The following ERLEC1 variants were observed in gnomAD, a reference collection of about 807,000 sequenced individuals.
The protein encoded by ERLEC1 is endoplasmic reticulum lectin 1, also known as ER lectin.
ERLEC1 carries 47 observed loss-of-function variants against 68.0 expected under a neutral mutation model. That is an observed-to-expected ratio of 0.69 (90% confidence interval 0.55 to 0.88). The LOEUF (loss-of-function observed/expected upper bound fraction) is 0.88, where lower values mean the gene tolerates loss of function less well. ERLEC1 is among the 40% of genes least tolerant of loss of function. The pLI is 0.00. For missense variants in ERLEC1, 567 were observed against 583.8 expected (o/e 0.97, Z 0.30); for synonymous variants, 225 against 203.2 (o/e 1.11, Z -0.91).
chr2:53,814,481 A>T, intron 11 of ERLEC1, 62 bp from the exon 12 acceptor site: 1 of 1,203,732 alleles, frequency 8.3e-7, no homozygotes, highest in Non-Finnish European at 1.2e-6. Context: ...CACCCTACCC[A>T]TTACAATTAT....
At chr2:53,808,252 A>G (rs756982298) in intron 8 of ERLEC1, 47 bp from the exon 9 acceptor site, 1 of 1,566,008 alleles carries the variant, frequency 6.4e-7, no homozygotes, top group Admixed American at 2.1e-5. Flanking sequence ...TGAAAAAAGA[A>G]ATTAAGTTTG....
intron 1 of ERLEC1, among the ~76,000 whole-genome samples, chr2:53,789,202 T>C (rs950717364): frequency 6.6e-6 from 1 of 151,968 alleles, no homozygotes; most frequent in Non-Finnish European, 1.5e-5. Context: ...AAGACAAGCC[T>C]GACCAACGTG....
At chr2:53,799,631 C>G (rs1675902510) in intron 6 of ERLEC1, among the ~76,000 whole-genome samples, 1 of 152,096 alleles carries the variant, frequency 6.6e-6, no homozygotes. Flanking sequence ...GAAATCTAAT[C>G]ACAATTTTTA....
Position 53,818,709 on chromosome 2 carries a change from T to C in ERLEC1, c.*740T>C, listed in dbSNP as rs1677028117. The C allele has an allele frequency of 6.6e-6, 1 of 152,268 alleles. No homozygotes were observed. Among genetic ancestry groups the C allele is most frequent in the Non-Finnish European group, 1.5e-5 (1 of 68,050 alleles). The allele number at this position is 152,268 out of a possible 1,614,324, so 9.4% of individuals were successfully genotyped here. On this transcript the variant is annotated 3_prime_UTR_variant, in exon 14 of 14. Transcript: ENST00000185150. ...AACAAAACACTGTGCTGTCTATCCC[T>C]TGTACTTGCCTACTGTAATATGGAT...
intron 6 of ERLEC1, among the ~76,000 whole-genome samples, chr2:53,799,827 C>T (rs1170088242): frequency 2.0e-5 from 3 of 151,972 alleles, no homozygotes; most frequent in African/African-American, 4.8e-5. Context: ...ATAAGCTAAG[C>T]AGAGACACAC....
At chr2:53,813,724 AT>A (rs1304182267) in intron 11 of ERLEC1, among the ~76,000 whole-genome samples, 1 of 151,486 alleles carries the variant, frequency 6.6e-6, no homozygotes, top group African/African-American at 2.4e-5. Flanking sequence ...GATGATTTGG[AT>A]TGTTTTCAGA....
chr2:53,787,666 A>T (rs1282754844), intron 1 of ERLEC1: 4 of 328,712 alleles, frequency 1.2e-5, no homozygotes, highest in African/African-American at 8.4e-5. Flanking sequence ...CAGCTTTCGT[A>T]GAATAACGTC....
In ERLEC1 at chr2:53,806,888, CA is replaced by C; in HGVS notation, c.880-1410del. ...TGCCAGTCAATACCCATTTAACCAC[CA>C]GATCCTAATTTTTTAACCTCTTTAA... On this transcript the variant is annotated intron_variant, in intron 8 of 13. Coordinates refer to ENST00000185150, the MANE Select transcript of ERLEC1 (RefSeq NM_015701.5). 4.6e-5 allele frequency among the ~76,000 whole-genome samples: 7 copies of C among 152,218 alleles called. 2 individuals are homozygous for C. The highest frequency in any genetic ancestry group is 4.6e-4 in the Admixed American group (7 of 15,288).
intron 10 of ERLEC1, among the ~76,000 whole-genome samples, chr2:53,810,325 T>TA (rs1290820477): frequency 6.6e-6 from 1 of 151,986 alleles, no homozygotes; most frequent in Non-Finnish European, 1.5e-5. Context: ...TTAAAAATTT[T>TA]AAAAAAAGAA....
Position 53,815,810 on chromosome 2 carries a change from T to C in ERLEC1, c.1380+875T>C, listed in dbSNP as rs532875914. Among the ~76,000 whole-genome samples, 9 of 152,322 alleles carry C rather than the reference T, an allele frequency of 5.9e-5. No individual in the cohort carries two copies. In the South Asian group the frequency reaches 1.7e-3, roughly 28 times the overall value. Reference sequence around the variant, plus strand: ...ATGATACTTTGTTACATCCATAGAATATGTAGTGATCCAGTCAGGGTATTC... The same window carrying C: ...ATGATACTTTGTTACATCCATAGAACATGTAGTGATCCAGTCAGGGTATTC... On this transcript the variant is annotated intron_variant, in intron 13 of 13. Coordinates refer to ENST00000185150, the MANE Select transcript of ERLEC1 (RefSeq NM_015701.5).
At chr2:53,787,466 C>T (rs762896541) in intron 1 of ERLEC1, 94 bp downstream of exon 1, 58 of 1,436,472 alleles carry the variant, frequency 4.0e-5, no homozygotes, top group African/African-American at 5.7e-5. Flanking sequence ...CTCCCCAAGA[C>T]CTTCTCTGCA....
chr2:53,814,777 G>T (rs1483976003), intron 12 of ERLEC1, 83 bp from the exon 13 acceptor site: 1 of 1,127,242 alleles, frequency 8.9e-7, no homozygotes, highest in African/African-American at 1.6e-5. Context: ...GTCCACTTGA[G>T]TGGGATTTTT....
chr2:53,790,202 T>C (rs1394580931), intron 1 of ERLEC1, among the ~76,000 whole-genome samples: 2 of 151,910 alleles, frequency 1.3e-5, no homozygotes, highest in African/African-American at 2.4e-5. Flanking sequence ...CAAGCGATTC[T>C]TGTTGCCCAG....
intron 1 of ERLEC1, 69 bp downstream of exon 1, chr2:53,787,441 T>G: frequency 6.6e-7 from 1 of 1,509,252 alleles, no homozygotes; most frequent in South Asian, 1.3e-5. Flanking sequence ...CTTCCCTCGG[T>G]TTTCTTTGCT....
chr2:53,812,075 G>A (rs374682279), intron 10 of ERLEC1, among the ~76,000 whole-genome samples: 26 of 152,214 alleles, frequency 1.7e-4, no homozygotes, highest in African/African-American at 4.3e-4. Flanking sequence ...GCGCCAGCAC[G>A]CCCGGCTAAT....
intron 2 of ERLEC1, among the ~76,000 whole-genome samples, chr2:53,795,572 G>A (rs1255255048): frequency 1.3e-5 from 2 of 152,272 alleles, no homozygotes; most frequent in East Asian, 3.9e-4. Context: ...TCATAGCTAA[G>A]AATTTGTTTG....
At chr2:53,797,458 A>G (rs1276429596) in intron 3 of ERLEC1, 57 bp from the exon 4 acceptor site, 2 of 1,297,956 alleles carry the variant, frequency 1.5e-6, no homozygotes, top group African/African-American at 1.5e-5. Flanking sequence ...AATATCAGAA[A>G]GTAATTCAGC....
In ERLEC1 at chr2:53,813,055, A is replaced by G; in HGVS notation, c.1208A>G (p.Asp403Gly). The change falls in exon 11 of 14, where the codon GAT (aspartate) becomes GGT (glycine). Residue 403 changes from aspartate to glycine, a missense_variant. Physicochemically the swap from Asp to Gly is moderately conservative, Grantham distance 94. Coordinates refer to ENST00000185150, the MANE Select transcript of ERLEC1 (RefSeq NM_015701.5). ...NTARAYHLQD[D>G]GTQTVRMVSH... is the part of the protein sequence containing the mutation. The stretch of plus-strand genomic sequence containing the variant: ...GCTAGAGCTTATCATCTTCAAGACG[A>G]TGGTACCCAGACAGTCAGGTAAAGA... 2 of 1,612,114 alleles carry G rather than the reference A, an allele frequency of 1.2e-6. No homozygotes were observed. Among genetic ancestry groups the G allele is most frequent in the Non-Finnish European group, 1.7e-6 (2 of 1,179,648 alleles).
chr2:53,815,004 T>TC (rs1676797473), intron 13 of ERLEC1, 69 bp downstream of exon 13: 1 of 964,934 alleles, frequency 1.0e-6, no homozygotes, highest in South Asian at 1.5e-5. Context: ...TCTTTTTTTT[T>TC]TTTTTTTTTT....
Sources: gnomAD v4.1 joint callset for allele counts (sites outside exome capture counted in the v4.1 genomes callset) on GRCh38, gnomAD v4.1.1 for gene constraint, MANE v1.5 for transcripts, NCBI Gene and HGNC (gene_info 2026-07-23, HGNC 2026-07-21) for gene names.